The following KLF8 variants were observed in gnomAD, a reference collection of about 807,000 sequenced individuals.
KLF8 encodes Krueppel-like factor 8.
In KLF8, 10 loss-of-function variants were observed where a neutral mutation model predicts 18.2. The observed-to-expected ratio is 0.55, with a 90% CI of 0.34 to 0.93. The LOEUF is 0.93. KLF8 is among the 40% of genes least tolerant of loss of function. The pLI is 0.02. For synonymous variants in KLF8, 109 were observed against 97.3 expected (o/e 1.12, Z -0.71); for missense variants, 264 against 277.9 (o/e 0.95, Z 0.36).
At chrX:56,274,986 G>A (rs2067102950) in intron 5 of KLF8, among the ~76,000 whole-genome samples, 1 of 111,410 alleles carries the variant, frequency 9.0e-6, no homozygotes, top group Middle Eastern at 4.3e-3. Flanking sequence ...GGTTATTCTG[G>A]GTTTTTGTGG....
chrX:56,073,363 T>A, the KLF8 span, among the ~76,000 whole-genome samples: 1 of 112,219 alleles, frequency 8.9e-6, no homozygotes, highest in Non-Finnish European at 1.9e-5. Flanking sequence ...TAATATTCCA[T>A]TTTATGTATA....
At chrX:56,002,493 T>C in the KLF8 span, among the ~76,000 whole-genome samples, 1 of 110,276 alleles carries the variant, frequency 9.1e-6, no homozygotes, top group Non-Finnish European at 1.9e-5. Context: ...GTGAGCTTCA[T>C]GAGAGCAGGG....
the KLF8 span, among the ~76,000 whole-genome samples, chrX:56,051,144 T>A: frequency 1.8e-5 from 2 of 111,442 alleles, no homozygotes; most frequent in Non-Finnish European, 3.8e-5. Context: ...CATCCTTTTA[T>A]TTTGAGCCTA....
At chrX:56,086,415 G>A in the KLF8 span, among the ~76,000 whole-genome samples, 1 of 110,754 alleles carries the variant, frequency 9.0e-6, no homozygotes, top group African/African-American at 3.3e-5. Context: ...CAGGAAAAGA[G>A]CAAGGTTCTA....
chrX:55,958,744 G>A, the KLF8 span, among the ~76,000 whole-genome samples: 1 of 112,361 alleles, frequency 8.9e-6, no homozygotes, highest in East Asian at 2.8e-4. Context: ...GAGGATTTAA[G>A]CACTGATTAG....
the KLF8 span, among the ~76,000 whole-genome samples, chrX:56,220,887 T>C: frequency 4.6e-4 from 52 of 112,918 alleles, no homozygotes; most frequent in African/African-American, 1.7e-3. Flanking sequence ...GCCTTTTATT[T>C]TATCAAATGT....
At position 56,286,734 on chromosome X, in the gene KLF8, A is replaced by C. The variant is rs987669186; in HGVS notation, c.*2240A>C. On this transcript the variant is annotated 3_prime_UTR_variant, in exon 6 of 6. Coordinates refer to ENST00000468660, the MANE Select transcript of KLF8 (RefSeq NM_007250.5). The stretch of plus-strand genomic sequence containing the variant: ...AACTGCCTGTAGTTTTCAAAATGAC[A>C]TGTGGGTTTTTACTGTTATCATTGT... The C allele has an allele frequency of 1.8e-5, 2 of 112,018 alleles. No individual in the cohort carries two copies. Among genetic ancestry groups the C allele is most frequent in the African/African-American group, 3.2e-5 (1 of 30,827 alleles). The allele number at this position is 112,018 out of a possible 1,213,427, so 9.2% of individuals were successfully genotyped here. A position where few individuals can be genotyped will look rare whatever the true frequency, so the allele number is the denominator to read the frequency against.
chrX:55,987,765 G>A, the KLF8 span, among the ~76,000 whole-genome samples: 22 of 112,068 alleles, frequency 2.0e-4, 1 homozygote, highest in South Asian at 7.5e-3. Flanking sequence ...AGATCCCTGA[G>A]GAATCACCAC....
rs766440269 is a variant in KLF8, at chrX:56,290,359, T to C, written c.*5865T>C. On this transcript the variant is annotated 3_prime_UTR_variant, in exon 6 of 6. Coordinates refer to ENST00000468660, the MANE Select transcript of KLF8 (RefSeq NM_007250.5). ...TAATGATAGTTATAGTACCTTATAT[T>C]TACCCTATGTAAAAGAGAAGATTAG... Among the ~76,000 whole-genome samples the C allele has an allele frequency of 1.8e-5, 2 of 111,838 alleles. No homozygotes were observed. Among genetic ancestry groups the C allele is most frequent in the African/African-American group, 6.5e-5 (2 of 30,821 alleles).
chrX:56,080,572 G>C, the KLF8 span, among the ~76,000 whole-genome samples: 2 of 111,228 alleles, frequency 1.8e-5, no homozygotes, highest in Non-Finnish European at 3.8e-5. Flanking sequence ...CTCTCTGGCT[G>C]CCCTTAACAT....
At chrX:56,084,377 AAAACAAAC>A in the KLF8 span, among the ~76,000 whole-genome samples, 1 of 111,294 alleles carries the variant, frequency 9.0e-6, no homozygotes, top group African/African-American at 3.3e-5. Flanking sequence ...TGAGACCCTG[AAAACAAAC>A]AAACAAACAA....
the KLF8 span, among the ~76,000 whole-genome samples, chrX:56,143,904 C>A: frequency 1.8e-5 from 2 of 112,042 alleles, no homozygotes; most frequent in African/African-American, 6.5e-5. Flanking sequence ...GGGGTGAAAT[C>A]TATCCAAGAT....
At chrX:56,282,583 G>T (rs770712716) in intron 5 of KLF8, among the ~76,000 whole-genome samples, 13 of 111,991 alleles carry the variant, frequency 1.2e-4, no homozygotes, top group African/African-American at 3.9e-4. Flanking sequence ...TGTGTAGTAA[G>T]TTGGAAAACA....
chrX:55,959,952 T>C, the KLF8 span, among the ~76,000 whole-genome samples: 1 of 109,811 alleles, frequency 9.1e-6, no homozygotes, highest in African/African-American at 3.3e-5. Context: ...CATCAGATGC[T>C]CCAGTTAACA....
chrX:56,078,490 T>G, the KLF8 span, among the ~76,000 whole-genome samples: 9 of 111,879 alleles, frequency 8.0e-5, no homozygotes, highest in South Asian at 3.8e-4. Flanking sequence ...CAGGGATGAA[T>G]CCCACTTGAT....
chrX:56,105,438 T>C, the KLF8 span, among the ~76,000 whole-genome samples: 4 of 111,881 alleles, frequency 3.6e-5, no homozygotes, highest in East Asian at 1.1e-3. Context: ...TTAGCTCTTC[T>C]TGTTGAACTG....
At chrX:56,184,106 TC>T in the KLF8 span, among the ~76,000 whole-genome samples, 1 of 112,384 alleles carries the variant, frequency 8.9e-6, no homozygotes, top group South Asian at 3.7e-4. Context: ...GTCAGGGAGT[TC>T]CCTTTCCTAG....
At chrX:56,115,357 C>G in the KLF8 span, among the ~76,000 whole-genome samples, 1 of 111,683 alleles carries the variant, frequency 9.0e-6, no homozygotes, top group South Asian at 3.7e-4. Context: ...TTTTCTGAGA[C>G]TCAAGTCCTG....
chrX:56,240,996 TA>T (rs10707112), intron 1 of KLF8, among the ~76,000 whole-genome samples: 20,214 of 110,930 alleles, frequency 0.18, 3,773 homozygotes, highest in African/African-American at 0.57. Context: ...ACTTTAAAAT[TA>T]AAAAAAGAAA....
Sources: gnomAD v4.1 joint callset for allele counts (sites outside exome capture counted in the v4.1 genomes callset) on GRCh38, gnomAD v4.1.1 for gene constraint, MANE v1.5 for transcripts, NCBI Gene and HGNC (gene_info 2026-07-23, HGNC 2026-07-21) for gene names.